Variants in BMPR1B observed in about 807,000 individuals in gnomAD.
BMPR1B encodes bone morphogenetic protein receptor type 1B, also known as bone morphogenetic protein receptor type-1B.
BMPR1B carries 12 observed loss-of-function variants against 59.1 expected under a neutral mutation model. The observed-to-expected ratio is 0.20, with a 90% CI of 0.13 to 0.33. The LOEUF (loss-of-function observed/expected upper bound fraction) is 0.33, where lower values mean the gene tolerates loss of function less well. Among genes scored for constraint, BMPR1B ranks in the 10% least tolerant of loss-of-function variants. The probability of loss-of-function intolerance (pLI) is 1.00; values close to 1 mark genes in which losing one functional copy is unlikely to be tolerated. For synonymous variants in BMPR1B, 237 were observed against 207.3 expected (o/e 1.14, Z -1.23); for missense variants, 550 against 610.9 (o/e 0.90, Z 1.05).
chr4:95,074,517 T>C (rs1728556456), intron 3 of BMPR1B, among the ~76,000 whole-genome samples: 1 of 152,118 alleles, frequency 6.6e-6, no homozygotes, highest in Admixed American at 6.6e-5. Flanking sequence ...TTTAGTTTTC[T>C]TCTTCATTTT....
chr4:95,108,063 GC>G (rs1186518254), intron 4 of BMPR1B, among the ~76,000 whole-genome samples: 2 of 151,854 alleles, frequency 1.3e-5, no homozygotes, highest in Non-Finnish European at 2.9e-5. Flanking sequence ...CTGATACTTT[GC>G]TAAATTATAA....
At chr4:95,089,193 CAT>C (rs1230924438) in intron 3 of BMPR1B, among the ~76,000 whole-genome samples, 1 of 152,060 alleles carries the variant, frequency 6.6e-6, no homozygotes, top group Non-Finnish European at 1.5e-5. Flanking sequence ...GGTGGAAAAA[CAT>C]AACACACACA....
intron 2 of BMPR1B, among the ~76,000 whole-genome samples, chr4:94,913,323 C>G (rs1421087609): frequency 6.6e-6 from 1 of 152,146 alleles, no homozygotes; most frequent in African/African-American, 2.4e-5. Context: ...AGATTAACAG[C>G]AACAACAGCA....
intron 4 of BMPR1B, among the ~76,000 whole-genome samples, chr4:95,108,186 A>G (rs1419612463): frequency 1.3e-5 from 2 of 152,104 alleles, no homozygotes; most frequent in Non-Finnish European, 2.9e-5. Flanking sequence ...TTAGATTGCT[A>G]TACAAGTTTT....
intron 5 of BMPR1B, 71 bp downstream of exon 5, chr4:95,114,893 C>G: frequency 7.0e-7 from 1 of 1,434,128 alleles, no homozygotes; most frequent in Non-Finnish European, 9.8e-7. Context: ...CAAGATAAAA[C>G]CATTCTTTTT....
chr4:95,094,471 G>A (rs1730222292), intron 3 of BMPR1B, among the ~76,000 whole-genome samples: 1 of 151,934 alleles, frequency 6.6e-6, no homozygotes, highest in African/African-American at 2.4e-5. Flanking sequence ...GGGAGATAAA[G>A]GAGTAGGGAA....
chr4:95,140,047 A>T (rs761915357), intron 10 of BMPR1B, among the ~76,000 whole-genome samples: 1 of 152,106 alleles, frequency 6.6e-6, no homozygotes, highest in Non-Finnish European at 1.5e-5. Flanking sequence ...AGCTGTTCCT[A>T]TTCGGCCATC....
chr4:94,775,087 T>C (rs958657513), intron 1 of BMPR1B, among the ~76,000 whole-genome samples: 3 of 152,200 alleles, frequency 2.0e-5, no homozygotes, highest in Non-Finnish European at 4.4e-5. Context: ...GAGGCAGATA[T>C]CTGAGTTTGT....
At chr4:95,038,298 C>T (rs1725409191) in intron 3 of BMPR1B, among the ~76,000 whole-genome samples, 1 of 152,188 alleles carries the variant, frequency 6.6e-6, no homozygotes, top group Non-Finnish European at 1.5e-5. Flanking sequence ...TCTTGTGGAG[C>T]ATTGCCAGCT....
At chr4:95,081,055 A>G (rs1429969409) in intron 3 of BMPR1B, among the ~76,000 whole-genome samples, 1 of 152,102 alleles carries the variant, frequency 6.6e-6, no homozygotes, top group Non-Finnish European at 1.5e-5. Context: ...GGTGATGTTC[A>G]TGCTGTTCTT....
chr4:95,096,749 A>ATAGTCATATATAAC (rs1730412241), intron 3 of BMPR1B, among the ~76,000 whole-genome samples: 3 of 18,134 alleles, frequency 1.7e-4, no homozygotes, highest in African/African-American at 2.6e-4. Context: ...ATATAACTAT[A>ATAGTCATATATAAC]TATAGTTATA....
intron 3 of BMPR1B, among the ~76,000 whole-genome samples, chr4:95,062,536 T>G (rs1727476142): frequency 6.6e-6 from 1 of 152,132 alleles, no homozygotes; most frequent in Non-Finnish European, 1.5e-5. Context: ...GAGCATCTTT[T>G]TTTTCCTCTT....
chr4:95,139,880 T>TG (rs765828541), intron 10 of BMPR1B, among the ~76,000 whole-genome samples: 2 of 152,220 alleles, frequency 1.3e-5, no homozygotes, highest in Non-Finnish European at 2.9e-5. Context: ...CCCTTGCGCT[T>TG]GCCGGGTGAG....
chr4:95,086,855 T>C (rs1729615287), intron 3 of BMPR1B, among the ~76,000 whole-genome samples: 1 of 152,178 alleles, frequency 6.6e-6, no homozygotes, highest in African/African-American at 2.4e-5. Flanking sequence ...CAAAATAGTT[T>C]TGAAAAGCTT....
At chr4:94,886,642 G>A (rs538812773) in intron 2 of BMPR1B, among the ~76,000 whole-genome samples, 2 of 152,164 alleles carry the variant, frequency 1.3e-5, no homozygotes, top group African/African-American at 4.8e-5. Context: ...CAATGGATAT[G>A]AAATTAATTT....
intron 2 of BMPR1B, among the ~76,000 whole-genome samples, chr4:94,903,363 C>G (rs2149003020): frequency 6.6e-6 from 1 of 151,972 alleles, no homozygotes; most frequent in African/African-American, 2.4e-5. Flanking sequence ...TCTATAGTGT[C>G]TATAGTTTCT....
intron 2 of BMPR1B, among the ~76,000 whole-genome samples, chr4:94,989,664 A>G (rs1304360515): frequency 1.3e-5 from 2 of 152,186 alleles, no homozygotes; most frequent in African/African-American, 4.8e-5. Context: ...TTGAAATTGT[A>G]TGGGAATTCA....
intron 10 of BMPR1B, among the ~76,000 whole-genome samples, chr4:95,143,786 A>G (rs2149319478): frequency 6.6e-6 from 1 of 152,296 alleles, no homozygotes; most frequent in South Asian, 2.1e-4. Flanking sequence ...TAGGGAACTC[A>G]GCATTATTCA....
At chr4:95,016,672 T>C (rs1428727359) in intron 3 of BMPR1B, among the ~76,000 whole-genome samples, 1 of 152,210 alleles carries the variant, frequency 6.6e-6, no homozygotes, top group Non-Finnish European at 1.5e-5. Context: ...GCGAAGTGTT[T>C]TCCACATCTA....
Sources: allele counts gnomAD v4.1 joint callset (sites outside exome capture counted in the v4.1 genomes callset), GRCh38; gene constraint gnomAD v4.1.1; transcripts MANE v1.5; gene names NCBI Gene and HGNC (gene_info 2026-07-23, HGNC 2026-07-21).